Variants in CHD5 observed in about 807,000 individuals in gnomAD.
CHD5 encodes the protein ATP-dependent chromatin remodeler CHD5.
Under a neutral mutation model 230.3 loss-of-function variants are expected in CHD5, and 69 were observed. The ratio of observed to expected loss-of-function variants is 0.30; its 90% CI spans 0.25 to 0.37. CHD5 has a LOEUF of 0.37. Among genes scored for constraint, CHD5 ranks in the 10% least tolerant of loss-of-function variants. The pLI is 1.00. For missense variants in CHD5, 1,827 were observed against 2,622.8 expected (o/e 0.70, Z 6.63); for synonymous variants, 1,064 against 1,065.9 (o/e 1.00, Z 0.03).
Position 6,180,060 on chromosome 1 carries a change from CT to C in CHD5, c.-38del. 2 of 1,182,866 alleles carry C rather than the reference CT, an allele frequency of 1.7e-6. No homozygotes were observed. The highest frequency in any genetic ancestry group is 2.2e-6 in the Non-Finnish European group (2 of 928,736). The allele number at this position is 1,182,866 out of a possible 1,614,324, so 73.3% of individuals were successfully genotyped here. On this transcript the variant is annotated 5_prime_UTR_variant, in exon 1 of 42. Coordinates refer to ENST00000262450, the MANE Select transcript of CHD5 (RefSeq NM_015557.3). ...GGAGGAGGGGAGGTGGGCGCCCCCC[CT>C]CCCGCCGGGCGCGGTGCCAGCCTTA... is the stretch of plus-strand genomic sequence containing the variant.
intron 1 of CHD5, among the ~76,000 whole-genome samples, chr1:6,170,476 T>C (rs1469590965): frequency 7.2e-5 from 11 of 152,120 alleles, no homozygotes; most frequent in Non-Finnish European, 7.4e-5. Flanking sequence ...CACCCTTGCA[T>C]CCCACGGGGC....
Position 6,112,914 on chromosome 1 carries a change from C to G in CHD5, c.4997G>C (p.Arg1666Thr). 1 of 1,613,096 alleles carries G rather than the reference C, an allele frequency of 6.2e-7. No homozygotes were observed. The highest frequency in any genetic ancestry group is 8.5e-7 in the Non-Finnish European group (1 of 1,179,194). ...AACACAGAAGAGCCCCAGACCTGGCCTGAGTTCGGAACTGTCCCCTCTGCT... is the reference window on the plus strand; with the variant it reads ...AACACAGAAGAGCCCCAGACCTGGCGTGAGTTCGGAACTGTCCCCTCTGCT... ...IHSRGDSSEL[R>T]PDDTKAEEKE... Residue 1666 changes from arginine to threonine, a missense_variant, in exon 34 of 42, where the codon AGG becomes ACG. Arg to Thr is a moderately conservative substitution (Grantham distance 71). This residue lies in a region of CHD5 where 272 missense variants were observed against 263.2 expected (regional missense o/e 1.03). Transcript: ENST00000262450.
intron 1 of CHD5, among the ~76,000 whole-genome samples, chr1:6,169,194 G>A (rs58749332): frequency 1.3e-5 from 2 of 152,086 alleles, no homozygotes; most frequent in South Asian, 2.1e-4. Context: ...GTATCTCCTC[G>A]TGGATCCCGC....
intron 38 of CHD5, among the ~76,000 whole-genome samples, chr1:6,107,723 G>GGAGGGAT (rs1474635553): frequency 2.2e-5 from 2 of 91,102 alleles, no homozygotes; most frequent in Non-Finnish European, 4.1e-5. Context: ...GAGGGATGAT[G>GGAGGGAT]GAGGGATGAG....
chr1:6,132,851 G>C (rs1666678915), intron 20 of CHD5, among the ~76,000 whole-genome samples: 1 of 151,226 alleles, frequency 6.6e-6, no homozygotes, highest in South Asian at 2.1e-4. Flanking sequence ...ACACATCTAT[G>C]TAAAGTCTTT....
intron 2 of CHD5, among the ~76,000 whole-genome samples, chr1:6,165,894 C>T (rs1340332858): frequency 6.6e-6 from 1 of 152,064 alleles, no homozygotes; most frequent in Non-Finnish European, 1.5e-5. Flanking sequence ...GAGCTTCACC[C>T]TCTTTGAGAC....
intron 15 of CHD5, among the ~76,000 whole-genome samples, chr1:6,137,997 C>A (rs1666770655): frequency 6.6e-6 from 1 of 152,208 alleles, no homozygotes; most frequent in African/African-American, 2.4e-5. Context: ...GGTCTATGCA[C>A]CAAGTTCCAG....
rs200914257 is a variant in CHD5, at chr1:6,102,275, GAAAA to G, written c.*3195_*3198del. On this transcript the variant is annotated 3_prime_UTR_variant, in exon 42 of 42. Transcript: ENST00000262450. ...TTAAAAAAAAAATCTGAAAATTAAAGAAAAAAAAAACACAACGCCAGTGAGTTTG... is the reference window on the plus strand; with the variant it reads ...TTAAAAAAAAAATCTGAAAATTAAAGAAAAAACACAACGCCAGTGAGTTTG... 2 of 151,270 alleles carry G rather than the reference GAAAA, an allele frequency of 1.3e-5. No homozygotes were observed. The highest frequency in any genetic ancestry group is 2.9e-5 in the Non-Finnish European group (2 of 68,862). 9.4% of individuals were successfully genotyped at this position (151,270 alleles called of 1,614,324 possible). A position where few individuals can be genotyped will look rare whatever the true frequency, so the allele number is the denominator to read the frequency against.
intron 15 of CHD5, among the ~76,000 whole-genome samples, chr1:6,141,725 G>A (rs529022482): frequency 2.1e-4 from 32 of 152,272 alleles, no homozygotes; most frequent in Middle Eastern, 3.4e-3. Context: ...AGACACAAAC[G>A]GGAAAACCCC....
intron 15 of CHD5, among the ~76,000 whole-genome samples, chr1:6,140,708 T>C (rs573145993): frequency 1.8e-4 from 28 of 152,230 alleles, no homozygotes; most frequent in African/African-American, 6.5e-4. Flanking sequence ...TTTGCAGACA[T>C]AATTAGTTGT....
chr1:6,170,878 G>A (rs573573880), intron 1 of CHD5, among the ~76,000 whole-genome samples: 19 of 152,326 alleles, frequency 1.2e-4, no homozygotes, highest in African/African-American at 4.3e-4. Flanking sequence ...CTGTGGTGGG[G>A]CAGCCGATGG....
rs2100824958 is a variant in CHD5, at chr1:6,105,862, C to T, written c.*46+372G>A. Among the ~76,000 whole-genome samples, 1 of 152,338 alleles carries T rather than the reference C, an allele frequency of 6.6e-6. No homozygotes were observed. The highest frequency in any genetic ancestry group is 2.1e-4 in the South Asian group (1 of 4,826). ...GGTGTAAGACAAGATGTGATGTCTG[C>T]CACCAGCAGGACAGCAGGGGCAGGA... is the stretch of plus-strand genomic sequence containing the variant. On this transcript the variant is annotated intron_variant, in intron 41 of 41. Transcript: ENST00000262450. The surrounding 1 kb of genome is among the most constrained non-coding windows in gnomAD (Gnocchi z 4.8).
intron 1 of CHD5, among the ~76,000 whole-genome samples, chr1:6,179,659 G>A (rs1206165634): frequency 6.7e-6 from 1 of 149,298 alleles, no homozygotes; most frequent in South Asian, 2.1e-4. Context: ...CCCCAGCGCA[G>A]GCCCCGGCCC....
chr1:6,178,398 A>T (rs1667457764), intron 1 of CHD5, among the ~76,000 whole-genome samples: 2 of 152,174 alleles, frequency 1.3e-5, no homozygotes, highest in Admixed American at 1.3e-4. Context: ...GCAACCCCAG[A>T]AATGCCACTG....
chr1:6,128,250 A>C lies in CHD5; in HGVS notation c.3731-32T>G. The C allele has an allele frequency of 6.2e-7, 1 of 1,606,700 alleles. No individual in the cohort carries two copies. The highest frequency in any genetic ancestry group is 1.1e-5 in the South Asian group (1 of 90,648). On this transcript the variant is annotated intron_variant, in intron 24 of 41. Coordinates refer to ENST00000262450, the MANE Select transcript of CHD5 (RefSeq NM_015557.3). The surrounding 1 kb of genome is among the most constrained non-coding windows in gnomAD (Gnocchi z 7.8). Reference sequence around the variant, plus strand: ...AGCAGGCAAATGCAGTGTGAGGACAAAGACTGCCCTGGTCCAGCCCCGGGG... The same window carrying C: ...AGCAGGCAAATGCAGTGTGAGGACACAGACTGCCCTGGTCCAGCCCCGGGG...
Position 6,168,388 on chromosome 1 carries a change from C to G in CHD5, c.80-111G>C, listed in dbSNP as rs1039691259. 7 of 1,327,610 alleles carry G rather than the reference C, an allele frequency of 5.3e-6. No homozygotes were observed. The African/African-American group carries it at 8.8e-5, about 17-fold the overall frequency. The allele number at this position is 1,327,610 out of a possible 1,614,324, so 82.2% of individuals were successfully genotyped here. ...GGGACCCCCAGACACCCAACTGTGC[C>G]AGGTCACAGCTGCCCTGCCCTCCCC... On this transcript the variant is annotated intron_variant, in intron 1 of 41. Transcript: ENST00000262450.
chr1:6,142,681 G>T lies in CHD5; in HGVS notation c.2044-76C>A. On this transcript the variant is annotated intron_variant, in intron 13 of 41. Coordinates refer to ENST00000262450, the MANE Select transcript of CHD5 (RefSeq NM_015557.3). This position sits in a 1 kb window ranked among gnomAD's most constrained non-coding sequence, Gnocchi z 5.2. ...GTCCACACTACAGGCCTTTGCACAT[G>T]CAATTCCTTCTGCCTGGAACACTCT... The T allele has an allele frequency of 1.4e-6, 2 of 1,432,348 alleles. No individual in the cohort carries two copies. Among genetic ancestry groups the T allele is most frequent in the Non-Finnish European group, 1.9e-6 (2 of 1,058,376 alleles). 88.7% of individuals were successfully genotyped at this position (1,432,348 alleles called of 1,614,324 possible).
Position 6,102,111 on chromosome 1 carries a change from TCAGACCCCACGGGCCAGTGGGGACC to T in CHD5, c.*3338_*3362del. ...GTCTGCTCCCTCCACACCCCTGAAC[TCAGACCCCACGGGCCAGTGGGGACC>T]CTCCCTTCCTCTCCAGGGGTGCTTG... is the stretch of plus-strand genomic sequence containing the variant. On this transcript the variant is annotated 3_prime_UTR_variant, in exon 42 of 42. Coordinates refer to ENST00000262450, the MANE Select transcript of CHD5 (RefSeq NM_015557.3). 2.9e-6 allele frequency: 1 copy of T among 348,096 alleles called. No homozygotes were observed. Among genetic ancestry groups the T allele is most frequent in the South Asian group, 2.1e-5 (1 of 48,568 alleles). 21.6% of individuals were successfully genotyped at this position (348,096 alleles called of 1,614,324 possible).
At chr1:6,143,740 A>G (rs1666867139) in intron 13 of CHD5, 83 bp downstream of exon 13, 1 of 1,236,222 alleles carries the variant, frequency 8.1e-7, no homozygotes, top group Non-Finnish European at 1.2e-6. Flanking sequence ...TCCTTTTGAG[A>G]ACACACACCC....
Sources: allele counts gnomAD v4.1 joint callset (sites outside exome capture counted in the v4.1 genomes callset), GRCh38; gene constraint gnomAD v4.1.1; regional missense constraint gnomAD v4.1.1; non-coding constraint Gnocchi (gnomAD v3.1); transcripts MANE v1.5; gene names NCBI Gene and HGNC (gene_info 2026-07-23, HGNC 2026-07-21).